The following SCYL3 variants were observed in gnomAD, a reference collection of about 807,000 sequenced individuals.
SCYL3 encodes SCY1 like pseudokinase 3, also known as protein-associating with the carboxyl-terminal domain of ezrin.
A neutral mutation model predicts 73.8 loss-of-function variants in SCYL3; 35 were observed. The observed-to-expected ratio is 0.47, with a 90% CI of 0.36 to 0.63. The LOEUF is 0.63. Among genes scored for constraint, SCYL3 ranks in the 20% least tolerant of loss-of-function variants. The pLI, the probability that SCYL3 is intolerant of heterozygous loss-of-function variation, is 0.00. For synonymous variants in SCYL3, 277 were observed against 295.2 expected (o/e 0.94, Z 0.63); for missense variants, 712 against 798.9 (o/e 0.89, Z 1.31).
chr1:169,875,177 C>T (rs1660704781), intron 4 of SCYL3, among the ~76,000 whole-genome samples: 1 of 152,158 alleles, frequency 6.6e-6, no homozygotes, highest in Non-Finnish European at 1.5e-5. Flanking sequence ...ACACGTTAGA[C>T]ATGGCCCAAG....
At chr1:169,873,669 C>A in intron 5 of SCYL3, 27 bp downstream of exon 5, 1 of 1,516,922 alleles carries the variant, frequency 6.6e-7, no homozygotes, top group Middle Eastern at 1.7e-4. Flanking sequence ...AAGGCACCTT[C>A]ATTATATGTG....
chr1:169,869,776 G>A (rs1660265571), intron 6 of SCYL3, among the ~76,000 whole-genome samples: 1 of 152,114 alleles, frequency 6.6e-6, no homozygotes, highest in Admixed American at 6.5e-5. Flanking sequence ...TGAGCTTTAA[G>A]AGGCAATGAA....
chr1:169,852,738 G>A lies in SCYL3; in HGVS notation c.*975C>T. On this transcript the variant is annotated 3_prime_UTR_variant, in exon 13 of 13. Coordinates refer to ENST00000367771, the MANE Select transcript of SCYL3 (RefSeq NM_020423.7). ...AGCTTTACTCCAGTCCAAAAGGAAG[G>A]TTCTTTATATTTAGAATGGATATTG... 1 of 1,576,920 alleles carries A rather than the reference G, an allele frequency of 6.3e-7. No individual in the cohort carries two copies. The highest frequency in any genetic ancestry group is 1.1e-5 in the South Asian group (1 of 88,212).
chr1:169,859,098 T>C lies in SCYL3; in HGVS notation c.1255A>G (p.Lys419Glu). ...PEVVVGGERT[K>E]IFKRTAPSFT... Reference sequence around the variant, plus strand: ...CTTGGGGCAGTGCGTTTGAAGATCTTGGTTCGTTCTCCTCCCACAACCACC... The same window carrying C: ...CTTGGGGCAGTGCGTTTGAAGATCTCGGTTCGTTCTCCTCCCACAACCACC... The change falls in exon 11 of 13, where the codon AAG becomes GAG. Residue 419 changes from lysine to glutamate, a missense_variant. By Grantham distance (56) the Lys-to-Glu change is moderately conservative. This residue lies in a region of SCYL3 where 370 missense variants were observed against 350.8 expected (regional missense o/e 1.05). Coordinates refer to ENST00000367771, the MANE Select transcript of SCYL3 (RefSeq NM_020423.7). 1 of 1,614,086 alleles carries C rather than the reference T, an allele frequency of 6.2e-7. No individual in the cohort carries two copies. Among genetic ancestry groups the C allele is most frequent in the Non-Finnish European group, 8.5e-7 (1 of 1,179,988 alleles).
Position 169,854,366 on chromosome 1 carries a change from TATAAG to T in SCYL3, c.1906_1910del (p.Leu636IlefsTer3). 6.2e-7 allele frequency: 1 copy of T among 1,614,056 alleles called. No individual in the cohort carries two copies. The highest frequency in any genetic ancestry group is 8.5e-7 in the Non-Finnish European group (1 of 1,179,960). On this transcript the variant is annotated frameshift_variant, in exon 12 of 13. Transcript: ENST00000367771. LOFTEE classifies it high-confidence loss of function. ...CCATTTCTGTCCTCAGTTCAGGTAA[TATAAG>T]AAAAGCAGCAGAAGGCTTAATTTCT...
Position 169,852,020 on chromosome 1 carries a change from T to C in SCYL3, c.*1693A>G. The C allele has an allele frequency of 6.3e-7, 1 of 1,583,398 alleles. No homozygotes were observed. The highest frequency in any genetic ancestry group is 8.6e-7 in the Non-Finnish European group (1 of 1,156,142). On this transcript the variant is annotated 3_prime_UTR_variant, in exon 13 of 13. Transcript: ENST00000367771. ...TTACTGACGAAACAAACCAGTGTGGTTTCCAGCCTTATGCTGAATTTCAAA... is the reference window on the plus strand; with the variant it reads ...TTACTGACGAAACAAACCAGTGTGGCTTCCAGCCTTATGCTGAATTTCAAA...
Position 169,851,718 on chromosome 1 carries a change from G to A in SCYL3, c.*1995C>T. 6.9e-7 allele frequency: 1 copy of A among 1,454,310 alleles called. No homozygotes were observed. Among genetic ancestry groups the A allele is most frequent in the Non-Finnish European group, 9.3e-7 (1 of 1,070,804 alleles). The allele number at this position is 1,454,310 out of a possible 1,614,324, so 90.1% of individuals were successfully genotyped here. On this transcript the variant is annotated 3_prime_UTR_variant, in exon 13 of 13. Transcript: ENST00000367771. ...CCATGTGACTTCCAGAATTTGCCTA[G>A]TATGGTTGAACACTCAGCACTTAAA...
chr1:169,851,475 G>A lies in SCYL3; in HGVS notation c.*2238C>T. The A allele has an allele frequency of 5.4e-6, 1 of 186,704 alleles. No homozygotes were observed. Among genetic ancestry groups the A allele is most frequent in the African/African-American group, 2.4e-5 (1 of 42,294 alleles). 11.6% of individuals were successfully genotyped at this position (186,704 alleles called of 1,614,324 possible). The stretch of plus-strand genomic sequence containing the variant: ...CTCCCACCAAAGTCCTGGGATTAGA[G>A]GCATGAGCCACCACACTTGGCCTAC... On this transcript the variant is annotated 3_prime_UTR_variant, in exon 13 of 13. Transcript: ENST00000367771.
intron 11 of SCYL3, 77 bp downstream of exon 11, chr1:169,858,964 C>T: frequency 1.6e-6 from 2 of 1,231,016 alleles, no homozygotes; most frequent in Non-Finnish European, 2.3e-6. Flanking sequence ...TGAATATGAC[C>T]CTCCTACATT....
chr1:169,849,705 G>T lies in SCYL3; in HGVS notation c.*4008C>A. The T allele has an allele frequency of 1.1e-6, 1 of 887,460 alleles. No individual in the cohort carries two copies. Among genetic ancestry groups the T allele is most frequent in the Non-Finnish European group, 1.8e-6 (1 of 565,606 alleles). The allele number at this position is 887,460 out of a possible 1,614,324, so 55.0% of individuals were successfully genotyped here. ...ACATTTATTGAACTGCTTCTGTATTGCAATCGGAAAATTGTCTGAAGGGTA... is the reference window on the plus strand; with the variant it reads ...ACATTTATTGAACTGCTTCTGTATTTCAATCGGAAAATTGTCTGAAGGGTA... On this transcript the variant is annotated 3_prime_UTR_variant, in exon 13 of 13. Coordinates refer to ENST00000367771, the MANE Select transcript of SCYL3 (RefSeq NM_020423.7).
At chr1:169,888,593 G>T in intron 2 of SCYL3, 83 bp downstream of exon 2, 2 of 1,151,540 alleles carry the variant, frequency 1.7e-6, no homozygotes, top group East Asian at 2.5e-5. Flanking sequence ...TACCTCCTTT[G>T]AACTTTACTA....
At position 169,849,781 on chromosome 1, in the gene SCYL3, G is replaced by C. The variant is rs533866692; in HGVS notation, c.*3932C>G. The C allele has an allele frequency of 7.9e-5, 47 of 593,582 alleles. No homozygotes were observed. The highest frequency in any genetic ancestry group is 1.2e-4 in the Non-Finnish European group (42 of 337,714). 36.8% of individuals were successfully genotyped at this position (593,582 alleles called of 1,614,324 possible). ...TTCTCAAAATGAGGCTTAGATAAAT[G>C]AAGTGAATTTCGTAAGGTCCTCTGA... On this transcript the variant is annotated 3_prime_UTR_variant, in exon 13 of 13. Coordinates refer to ENST00000367771, the MANE Select transcript of SCYL3 (RefSeq NM_020423.7).
intron 8 of SCYL3, 148 bp downstream of exon 8, chr1:169,866,748 G>A: frequency 1.7e-6 from 1 of 598,684 alleles, no homozygotes. Context: ...TACCCCACCA[G>A]GGCCTAGCAG....
Position 169,852,916 on chromosome 1 carries a change from CT to C in SCYL3, c.*796del. Reference sequence around the variant, plus strand: ...CCAAAAGGGTCCTGCTCCAGCCTGGCTTTCAATGGAAATGGAGGCGCTCCAA... The same window carrying C: ...CCAAAAGGGTCCTGCTCCAGCCTGGCTTCAATGGAAATGGAGGCGCTCCAA... On this transcript the variant is annotated 3_prime_UTR_variant, in exon 13 of 13. Coordinates refer to ENST00000367771, the MANE Select transcript of SCYL3 (RefSeq NM_020423.7). The C allele has an allele frequency of 6.2e-7, 1 of 1,614,144 alleles. No homozygotes were observed. The highest frequency in any genetic ancestry group is 2.2e-5 in the East Asian group (1 of 44,878).
intron 2 of SCYL3, among the ~76,000 whole-genome samples, chr1:169,883,071 A>G (rs972012144): frequency 2.4e-4 from 36 of 151,874 alleles, no homozygotes; most frequent in Non-Finnish European, 1.5e-5. Flanking sequence ...GCGAAGGTCC[A>G]CGGCTTCACT....
At chr1:169,890,594 T>C (rs572534078) in intron 1 of SCYL3, among the ~76,000 whole-genome samples, 1 of 152,276 alleles carries the variant, frequency 6.6e-6, no homozygotes, top group African/African-American at 2.4e-5. Context: ...GAACAAAATT[T>C]AAAGTGCCTA....
At chr1:169,873,504 T>A (rs2102178254) in intron 5 of SCYL3, among the ~76,000 whole-genome samples, 192 bp downstream of exon 5, 1 of 152,344 alleles carries the variant, frequency 6.6e-6, no homozygotes, top group East Asian at 1.9e-4. Context: ...CATAGGTGTT[T>A]ATGTGACAAA....
rs61051062 is a variant in SCYL3 at position 169,876,958 on chromosome 1, TAAAAAAAA to T, written c.352-875_352-868del. Among the ~76,000 whole-genome samples, 740 of 76,444 alleles carry T rather than the reference TAAAAAAAA, an allele frequency of 9.7e-3. 1 individual carries two copies. Among genetic ancestry groups the T allele is most frequent in the Middle Eastern group, 0.071 (4 of 56 alleles). The allele number at this position is 76,444 out of a possible 152,430, so 50.2% of individuals were successfully genotyped here. A position where few individuals can be genotyped will look rare whatever the true frequency, so the allele number is the denominator to read the frequency against. On this transcript the variant is annotated intron_variant, in intron 3 of 12. Transcript: ENST00000367771. ...CGACAGAGTGAGACCTTGTCTCAAA[TAAAAAAAA>T]AAAAAAAAAAAAAAAAAAAAAAGAA...
At chr1:169,891,580 C>T (rs1170275145) in intron 1 of SCYL3, among the ~76,000 whole-genome samples, 1 of 152,158 alleles carries the variant, frequency 6.6e-6, no homozygotes, top group African/African-American at 2.4e-5. Flanking sequence ...TCTCTCTCAC[C>T]CACAAAACAC....
Sources: allele counts gnomAD v4.1 joint callset (sites outside exome capture counted in the v4.1 genomes callset), GRCh38; gene constraint gnomAD v4.1.1; regional missense constraint gnomAD v4.1.1; transcripts MANE v1.5; gene names NCBI Gene and HGNC (gene_info 2026-07-23, HGNC 2026-07-21).